TRAPPC9: variants seen among roughly 807,000 people sequenced by gnomAD.
TRAPPC9 encodes the protein IKK2 binding protein.
A neutral mutation model predicts 124.0 loss-of-function variants in TRAPPC9; 83 were observed. The observed-to-expected ratio is 0.67, with a 90% CI of 0.56 to 0.80. TRAPPC9 has a LOEUF of 0.80. TRAPPC9 is among the 30% of genes least tolerant of loss of function. The pLI is 0.00. For missense variants in TRAPPC9, 1,302 were observed against 1,508.3 expected (o/e 0.86, Z 2.27); for synonymous variants, 638 against 617.5 (o/e 1.03, Z -0.49).
chr8:140,447,733 G>A (rs2071318684), intron 2 of TRAPPC9, among the ~76,000 whole-genome samples: 1 of 152,096 alleles, frequency 6.6e-6, no homozygotes, highest in Non-Finnish European at 1.5e-5. Context: ...CCTTACATCT[G>A]GACATTTCCT....
chr8:139,977,645 A>T (rs943936088), intron 19 of TRAPPC9, among the ~76,000 whole-genome samples: 3 of 116,274 alleles, frequency 2.6e-5, no homozygotes, highest in African/African-American at 6.5e-5. Context: ...GCTGAATACG[A>T]TCAAGCCTCC....
intron 15 of TRAPPC9, among the ~76,000 whole-genome samples, chr8:140,269,553 A>AAATAAAT (rs1453412572): frequency 8.8e-6 from 1 of 113,820 alleles, no homozygotes; most frequent in Non-Finnish European, 1.9e-5. Context: ...AAAATAAAAT[A>AAATAAAT]AAATAAATAA....
At chr8:140,390,810 C>T (rs1219555315) in intron 7 of TRAPPC9, among the ~76,000 whole-genome samples, 2 of 152,200 alleles carry the variant, frequency 1.3e-5, no homozygotes, top group Admixed American at 6.5e-5. Flanking sequence ...TAATAAGGAA[C>T]TTACTTTCCT....
chr8:139,992,433 G>A (rs963537228), intron 18 of TRAPPC9, among the ~76,000 whole-genome samples: 1 of 151,908 alleles, frequency 6.6e-6, no homozygotes, highest in African/African-American at 2.4e-5. Context: ...CATTTCCTTT[G>A]AGCATCACGT....
intron 21 of TRAPPC9, among the ~76,000 whole-genome samples, chr8:139,789,934 C>T (rs916075984): frequency 1.3e-5 from 2 of 152,064 alleles, no homozygotes; most frequent in African/African-American, 2.4e-5. Context: ...ACAGCCTTCT[C>T]GGGCTCCCGT....
intron 2 of TRAPPC9, among the ~76,000 whole-genome samples, chr8:140,449,779 G>T (rs1454050630): frequency 2.0e-5 from 3 of 152,150 alleles, no homozygotes; most frequent in African/African-American, 7.2e-5. Flanking sequence ...CCGGAGACGT[G>T]GGCTCTACTT....
chr8:140,008,975 C>G (rs1838942433), intron 18 of TRAPPC9, among the ~76,000 whole-genome samples: 7 of 151,980 alleles, frequency 4.6e-5, no homozygotes, highest in Admixed American at 4.6e-4. Flanking sequence ...TCAAAATAAA[C>G]TGAAAAAAAT....
intron 18 of TRAPPC9, among the ~76,000 whole-genome samples, chr8:139,989,984 G>A (rs947284538): frequency 6.6e-6 from 1 of 152,186 alleles, no homozygotes; most frequent in Admixed American, 6.5e-5. Context: ...CAACTGAGCA[G>A]AGGCCATTCT....
rs766920866 is a variant in TRAPPC9, at chr8:139,732,170, C to T, written c.3088G>A (p.Glu1030Lys). ...CCCACCTGGCAGGCCGCCACAGCCTCGCGGTCACATGGCTGTCCGTCCACC... is the reference window on the plus strand; with the variant it reads ...CCCACCTGGCAGGCCGCCACAGCCTTGCGGTCACATGGCTGTCCGTCCACC... ...VLVDGQPCDR[E>K]AVAACQVGDP... Residue 1030 changes from glutamate (E) to lysine (K), a missense_variant, in exon 22 of 23, where the codon GAG (glutamate) becomes AAG (lysine). Glu to Lys is a moderately conservative substitution (Grantham distance 56). This residue lies in a region of TRAPPC9 where 640 missense variants were observed against 679.3 expected (regional missense o/e 0.94). Transcript: ENST00000438773. The T allele has an allele frequency of 2.4e-5, 38 of 1,599,234 alleles. No individual in the cohort carries two copies. Among genetic ancestry groups the T allele is most frequent in the African/African-American group, 8.0e-5 (6 of 74,744 alleles).
intron 8 of TRAPPC9, among the ~76,000 whole-genome samples, chr8:140,366,618 C>G (rs780732711): frequency 1.3e-5 from 2 of 152,152 alleles, no homozygotes; most frequent in Non-Finnish European, 2.9e-5. Flanking sequence ...AAATACAAAC[C>G]TCCCAGAAGT....
intron 7 of TRAPPC9, among the ~76,000 whole-genome samples, chr8:140,387,283 C>A (rs2068780308): frequency 6.6e-6 from 1 of 152,056 alleles, no homozygotes; most frequent in South Asian, 2.1e-4. Flanking sequence ...AGAAGAAAAC[C>A]TAGGCAATAC....
chr8:140,023,386 A>T (rs3815610), intron 18 of TRAPPC9, among the ~76,000 whole-genome samples: 18,095 of 152,254 alleles, frequency 0.12, 1,170 homozygotes, highest in African/African-American at 0.16. Context: ...AAACTGTCCA[A>T]TTTCTTTCTC....
rs1442495222 is a variant in TRAPPC9 at position 140,063,411 on chromosome 8, G to A, written c.2557-39332C>T. Among the ~76,000 whole-genome samples the A allele has an allele frequency of 3.3e-5, 5 of 152,006 alleles. No homozygotes were observed. Among genetic ancestry groups the A allele is most frequent in the African/African-American group, 4.8e-5 (2 of 41,378 alleles). Reference sequence around the variant, plus strand: ...TACTCACTTTGAGAAATAATCCTACGGCCATCTTGTTCTTAGAGCTCCTAG... The same window carrying A: ...TACTCACTTTGAGAAATAATCCTACAGCCATCTTGTTCTTAGAGCTCCTAG... On this transcript the variant is annotated intron_variant, in intron 17 of 22. Coordinates refer to ENST00000438773, the MANE Select transcript of TRAPPC9 (RefSeq NM_001160372.4). The surrounding 1 kb of genome is among the most constrained non-coding windows in gnomAD (Gnocchi z 4.3).
chr8:140,217,971 C>T (rs1322576330), intron 17 of TRAPPC9, among the ~76,000 whole-genome samples: 2 of 151,570 alleles, frequency 1.3e-5, no homozygotes, highest in African/African-American at 4.9e-5. Flanking sequence ...GAGCCGAGAT[C>T]GCGCCACTGC....
intron 3 of TRAPPC9, among the ~76,000 whole-genome samples, chr8:140,438,687 TTTTTA>T (rs1327799186): frequency 1.3e-5 from 2 of 152,100 alleles, no homozygotes; most frequent in African/African-American, 4.8e-5. Flanking sequence ...CTCATTTCTT[TTTTTA>T]TTTTATTTTA....
intron 19 of TRAPPC9, among the ~76,000 whole-genome samples, chr8:139,938,717 C>A (rs1033123896): frequency 1.5e-4 from 22 of 151,716 alleles, no homozygotes; most frequent in African/African-American, 5.1e-4. Flanking sequence ...GCAATCTCGG[C>A]TCACTGCAAG....
chr8:139,786,921 T>C (rs575025379), intron 21 of TRAPPC9, among the ~76,000 whole-genome samples: 2 of 152,002 alleles, frequency 1.3e-5, no homozygotes, highest in East Asian at 3.9e-4. Flanking sequence ...AGGAGGGAGC[T>C]TGGGAGAGAT....
intron 19 of TRAPPC9, among the ~76,000 whole-genome samples, chr8:139,977,773 T>A (rs1225119776): frequency 6.6e-6 from 1 of 151,820 alleles, no homozygotes; most frequent in African/African-American, 2.4e-5. Flanking sequence ...CTCCGTCTCC[T>A]GGGTTCAAGC....
At chr8:139,942,331 A>G (rs1833968129) in intron 19 of TRAPPC9, among the ~76,000 whole-genome samples, 2 of 152,084 alleles carry the variant, frequency 1.3e-5, no homozygotes, top group South Asian at 4.1e-4. Context: ...CTGGGCATTG[A>G]CCCAACAAGT....
Sources: allele counts gnomAD v4.1 joint callset (sites outside exome capture counted in the v4.1 genomes callset), GRCh38; gene constraint gnomAD v4.1.1; regional missense constraint gnomAD v4.1.1; non-coding constraint Gnocchi (gnomAD v3.1); transcripts MANE v1.5; gene names NCBI Gene and HGNC (gene_info 2026-07-23, HGNC 2026-07-21).